The following FOXP2 variants were observed in gnomAD, a reference collection of about 807,000 sequenced individuals.
FOXP2 encodes forkhead box protein P2.
A neutral mutation model predicts 115.8 loss-of-function variants in FOXP2; 12 were observed. The observed-to-expected ratio is 0.10, with a 90% confidence interval of 0.07 to 0.17. The LOEUF (loss-of-function observed/expected upper bound fraction) is 0.17, where lower values mean the gene tolerates loss of function less well. FOXP2 is among the 10% of genes least tolerant of loss of function. The probability of loss-of-function intolerance (pLI) is 1.00; values close to 1 mark genes in which losing one functional copy is unlikely to be tolerated. For missense variants in FOXP2, 629 were observed against 843.5 expected, an observed-to-expected ratio of 0.75 and a Z score of 3.15; for synonymous variants, 328 against 297.7, an observed-to-expected ratio of 1.10 and a Z score of -1.05.
At chr7:114,621,588 TAGAC>T (rs1290309663) in intron 3 of FOXP2, among the ~76,000 whole-genome samples, 1 of 152,056 alleles carries the variant, frequency 6.6e-6, no homozygotes, top group African/African-American at 2.4e-5. Flanking sequence ...CTGTGTCAGT[TAGAC>T]AGGCTCATCA....
chr7:114,156,673 G>A (rs990205998), intron 1 of FOXP2, among the ~76,000 whole-genome samples: 33 of 152,042 alleles, frequency 2.2e-4, no homozygotes, highest in Admixed American at 5.9e-4. Context: ...CTGGTGTTGT[G>A]TCACAGGTCA....
At chr7:114,189,854 T>A (rs1793710940) in intron 1 of FOXP2, among the ~76,000 whole-genome samples, 1 of 152,180 alleles carries the variant, frequency 6.6e-6, no homozygotes, top group South Asian at 2.1e-4. Context: ...TGGCTCAACA[T>A]GATAATTGAT....
intron 1 of FOXP2, among the ~76,000 whole-genome samples, chr7:114,220,649 A>G (rs1029976985): frequency 2.0e-5 from 3 of 152,100 alleles, no homozygotes; most frequent in Non-Finnish European, 4.4e-5. Flanking sequence ...TTAGGAGAAG[A>G]GTGGAAGGGA....
intron 2 of FOXP2, among the ~76,000 whole-genome samples, chr7:114,435,234 G>T (rs1396743275): frequency 1.3e-5 from 2 of 152,142 alleles, no homozygotes; most frequent in East Asian, 3.9e-4. Context: ...GATGTGCTTT[G>T]AGGCCTTGAA....
intron 3 of FOXP2, among the ~76,000 whole-genome samples, chr7:114,557,817 T>TTATC (rs1196114907): frequency 6.7e-6 from 1 of 150,262 alleles, no homozygotes; most frequent in Non-Finnish European, 1.5e-5. Context: ...ATTTATTTAT[T>TTATC]TATTTATTTA....
At chr7:114,594,628 G>T (rs1324839331) in intron 3 of FOXP2, among the ~76,000 whole-genome samples, 1 of 151,980 alleles carries the variant, frequency 6.6e-6, no homozygotes. Context: ...TAAAACACAA[G>T]CATTTGGGAG....
At chr7:114,232,352 C>A (rs1364955338) in intron 1 of FOXP2, among the ~76,000 whole-genome samples, 4 of 152,060 alleles carry the variant, frequency 2.6e-5, no homozygotes, top group Non-Finnish European at 4.4e-5. Context: ...ATCCATCAAT[C>A]CTACTTCTAG....
intron 3 of FOXP2, among the ~76,000 whole-genome samples, chr7:114,563,535 C>T (rs1009445743): frequency 6.6e-5 from 10 of 152,122 alleles, no homozygotes; most frequent in African/African-American, 2.4e-4. Flanking sequence ...TGAATGCCAC[C>T]ATCATTATAT....
intron 2 of FOXP2, among the ~76,000 whole-genome samples, chr7:114,367,980 C>T (rs1791920502): frequency 6.6e-6 from 1 of 152,106 alleles, no homozygotes; most frequent in Admixed American, 6.5e-5. Context: ...AAGTACTACA[C>T]AGAAATTAGT....
At chr7:114,663,545 T>TATTTGA (rs1471161875) in intron 15 of FOXP2, 26 bp downstream of exon 15, 1 of 1,578,794 alleles carries the variant, frequency 6.3e-7, no homozygotes. Flanking sequence ...AGTTTTGTTG[T>TATTTGA]ATTTGAATGT....
intron 1 of FOXP2, among the ~76,000 whole-genome samples, chr7:114,284,946 A>G (rs1796429106): frequency 6.6e-6 from 1 of 152,182 alleles, no homozygotes; most frequent in Admixed American, 6.6e-5. Context: ...CAAATACTGC[A>G]TACTTACACT....
intron 3 of FOXP2, among the ~76,000 whole-genome samples, chr7:114,609,800 A>G (rs1803533225): frequency 6.6e-6 from 1 of 152,214 alleles, no homozygotes; most frequent in African/African-American, 2.4e-5. Context: ...CGTAGTCTTC[A>G]ACGGTGGCAG....
At chr7:114,225,585 C>T (rs575434731) in intron 1 of FOXP2, among the ~76,000 whole-genome samples, 10 of 152,074 alleles carry the variant, frequency 6.6e-5, no homozygotes, top group South Asian at 2.1e-4. Context: ...ACTGGGACTA[C>T]GGGTGCATGC....
intron 3 of FOXP2, among the ~76,000 whole-genome samples, chr7:114,588,263 C>T (rs938330987): frequency 1.3e-5 from 2 of 152,008 alleles, no homozygotes; most frequent in Admixed American, 6.6e-5. Flanking sequence ...GCCAAGATCG[C>T]ACCACTGCAA....
At chr7:114,206,326 A>G (rs1283614364) in intron 1 of FOXP2, among the ~76,000 whole-genome samples, 1 of 152,008 alleles carries the variant, frequency 6.6e-6, no homozygotes, top group East Asian at 1.9e-4. Flanking sequence ...CTGCAACATT[A>G]TTTTTGCTAC....
chr7:114,329,910 C>T (rs1037671352), intron 2 of FOXP2, among the ~76,000 whole-genome samples: 4 of 151,958 alleles, frequency 2.6e-5, no homozygotes, highest in African/African-American at 4.8e-5. Flanking sequence ...CTCCTGACCT[C>T]GAGATCCACC....
intron 1 of FOXP2, among the ~76,000 whole-genome samples, chr7:114,116,613 T>A (rs1466431688): frequency 6.6e-6 from 1 of 150,996 alleles, no homozygotes; most frequent in South Asian, 2.1e-4. Context: ...GGGATAAGAG[T>A]CAAAAATTAA....
intron 1 of FOXP2, among the ~76,000 whole-genome samples, chr7:114,219,051 T>C (rs1563010242): frequency 6.6e-6 from 1 of 152,170 alleles, no homozygotes; most frequent in Non-Finnish European, 1.5e-5. Context: ...TAACTTAATA[T>C]TCAGCATTGC....
chr7:114,154,505 A>G (rs781314118), intron 1 of FOXP2, among the ~76,000 whole-genome samples: 2 of 152,050 alleles, frequency 1.3e-5, no homozygotes, highest in Non-Finnish European at 2.9e-5. Context: ...CTTTTTGAGA[A>G]TGGAAGATTA....
Sources: gnomAD v4.1 joint callset for allele counts (sites outside exome capture counted in the v4.1 genomes callset) on GRCh38, gnomAD v4.1.1 for gene constraint, MANE v1.5 for transcripts, NCBI Gene and HGNC (gene_info 2026-07-23, HGNC 2026-07-21) for gene names.